COL5A2: variants seen among roughly 807,000 people sequenced by gnomAD.
COL5A2 encodes collagen alpha-2(V) chain.
Under a neutral mutation model 208.2 loss-of-function variants are expected in COL5A2, and 23 were observed. The ratio of observed to expected loss-of-function variants is 0.11; its 90% CI spans 0.08 to 0.16. The LOEUF (loss-of-function observed/expected upper bound fraction) is 0.16. Ranked by LOEUF, COL5A2 falls within the 10% of genes least tolerant of loss-of-function variation. The pLI is 1.00. For synonymous variants in COL5A2, 625 were observed against 628.5 expected, an observed-to-expected ratio of 0.99 and a Z score of 0.08; for missense variants, 1,590 against 1,956.4, an observed-to-expected ratio of 0.81 and a Z score of 3.53.
At chr2:189,371,592 C>T in the COL5A2 span, among the ~76,000 whole-genome samples, 1 of 152,138 alleles carries the variant, frequency 6.6e-6, no homozygotes, top group African/African-American at 2.4e-5. Context: ...AAGAGTTTGG[C>T]AACACTGTGT....
chr2:189,050,056 T>C (rs1268411724), intron 43 of COL5A2, among the ~76,000 whole-genome samples: 1 of 152,096 alleles, frequency 6.6e-6, no homozygotes, highest in African/African-American at 2.4e-5. Flanking sequence ...GAATCAAACT[T>C]TTATCCATAC....
the COL5A2 span, among the ~76,000 whole-genome samples, chr2:189,370,075 G>T: frequency 6.6e-6 from 1 of 152,096 alleles, no homozygotes; most frequent in Non-Finnish European, 1.5e-5. Flanking sequence ...CTGTTATGCT[G>T]CCACAATGGA....
chr2:189,366,681 G>A, the COL5A2 span, among the ~76,000 whole-genome samples: 1 of 152,314 alleles, frequency 6.6e-6, no homozygotes, highest in Middle Eastern at 3.4e-3. Context: ...AAGATGGCCT[G>A]AAAATTTCTC....
chr2:189,357,886 TG>T, the COL5A2 span, among the ~76,000 whole-genome samples: 1 of 152,174 alleles, frequency 6.6e-6, no homozygotes, highest in South Asian at 2.1e-4. Flanking sequence ...GTCTGTGGGT[TG>T]TGAAGACTGT....
chr2:189,419,903 A>G, the COL5A2 span, among the ~76,000 whole-genome samples: 155 of 145,472 alleles, frequency 1.1e-3, 1 homozygote, highest in South Asian at 0.034. Context: ...GGAGAGGAGA[A>G]GAGGAGGAGG....
intron 8 of COL5A2, 95 bp downstream of exon 8, chr2:189,088,600 T>C (rs1040476504): frequency 2.3e-6 from 2 of 883,422 alleles, no homozygotes; most frequent in South Asian, 2.7e-5. Flanking sequence ...TTTAAGAAGA[T>C]GCATGTTATT....
chr2:189,291,817 G>T, the COL5A2 span, among the ~76,000 whole-genome samples: 1 of 150,940 alleles, frequency 6.6e-6, no homozygotes, highest in African/African-American at 2.4e-5. Context: ...AAAAAAACTT[G>T]CTCTATTCTA....
rs549160135 is a variant in COL5A2 at position 189,152,318 on chromosome 2, T to C, written c.97+27190A>G. On this transcript the variant is annotated intron_variant, in intron 1 of 53. Coordinates refer to ENST00000374866, the MANE Select transcript of COL5A2 (RefSeq NM_000393.5). ...AATAATAGGTAAGGTCAGCACTCCA[T>C]GCCTTCCGGGCTACAAGTTATGATA... Among the ~76,000 whole-genome samples the C allele has an allele frequency of 1.2e-4, 18 of 152,350 alleles. No homozygotes were observed. In the South Asian group the frequency reaches 3.5e-3, roughly 30 times the overall value.
At chr2:189,086,886 T>G in intron 8 of COL5A2, 116 bp from the exon 9 acceptor site, 1 of 833,002 alleles carries the variant, frequency 1.2e-6, no homozygotes, top group Non-Finnish European at 2.0e-6. Flanking sequence ...CAAAGGGGGA[T>G]GATGACATTC....
chr2:189,124,620 TAAAGA>T, intron 1 of COL5A2, among the ~76,000 whole-genome samples: 1 of 152,248 alleles, frequency 6.6e-6, no homozygotes, highest in Non-Finnish European at 1.5e-5. Context: ...AAATGCAATT[TAAAGA>T]AAACTATCAA....
intron 1 of COL5A2, among the ~76,000 whole-genome samples, chr2:189,160,828 CTTTTTTTT>C (rs1013116673): frequency 3.0e-5 from 4 of 132,016 alleles, no homozygotes; most frequent in African/African-American, 5.7e-5. Flanking sequence ...TTTCTTTTTC[CTTTTTTTT>C]TTTTTTTTTT....
At chr2:189,306,099 CA>C in the COL5A2 span, among the ~76,000 whole-genome samples, 1 of 152,200 alleles carries the variant, frequency 6.6e-6, no homozygotes, top group Non-Finnish European at 1.5e-5. Flanking sequence ...ACATACAATA[CA>C]GACATTAAAT....
At chr2:189,346,315 G>A in the COL5A2 span, among the ~76,000 whole-genome samples, 1 of 152,136 alleles carries the variant, frequency 6.6e-6, no homozygotes, top group South Asian at 2.1e-4. Context: ...ATAGAAAATA[G>A]ACAGCAAGTC....
At chr2:189,435,041 T>A in the COL5A2 span, among the ~76,000 whole-genome samples, 1 of 152,186 alleles carries the variant, frequency 6.6e-6, no homozygotes, top group Non-Finnish European at 1.5e-5. Flanking sequence ...AACCATCTGA[T>A]CTTTGACAAA....
At position 189,072,107 on chromosome 2, in the gene COL5A2, C is replaced by T; in HGVS notation, c.1105-14G>A. 2 of 1,595,244 alleles carry T rather than the reference C, an allele frequency of 1.3e-6. No homozygotes were observed. Among genetic ancestry groups the T allele is most frequent in the Non-Finnish European group, 1.7e-6 (2 of 1,164,976 alleles). On this transcript the variant is annotated splice_polypyrimidine_tract_variant and intron_variant, in intron 17 of 53. Coordinates refer to ENST00000374866, the MANE Select transcript of COL5A2 (RefSeq NM_000393.5). The stretch of plus-strand genomic sequence containing the variant: ...CCCAAGAGGACCCTATTAAAAGAAA[C>T]CAGAAAAGTAATCAGACATGTATTC...
chr2:189,429,034 C>A, the COL5A2 span, among the ~76,000 whole-genome samples: 1 of 152,028 alleles, frequency 6.6e-6, no homozygotes, highest in African/African-American at 2.4e-5. Flanking sequence ...TTCAAGAGGG[C>A]TATTGTACAG....
chr2:189,080,062 A>G lies in COL5A2; in HGVS notation c.907-31T>C, dbSNP rs778116983. 19 of 1,587,350 alleles carry G rather than the reference A, an allele frequency of 1.2e-5. No individual in the cohort carries two copies. In the Admixed American group the frequency reaches 3.2e-4, roughly 27 times the overall value. On this transcript the variant is annotated intron_variant, in intron 13 of 53. Transcript: ENST00000374866. ...AATAAAAATGTAAATTTGTATTTGT[A>G]TCCTGTTTTTTTCAATCCTCAAAGG... is the stretch of plus-strand genomic sequence containing the variant.
intron 3 of COL5A2, 136 bp from the exon 4 acceptor site, chr2:189,100,275 A>G (rs1235933060): frequency 7.2e-6 from 5 of 694,594 alleles, no homozygotes. Context: ...TACAAAAAGA[A>G]AGTTAACAAT....
intron 25 of COL5A2, 64 bp from the exon 26 acceptor site, chr2:189,064,097 A>G (rs906502419): frequency 1.7e-5 from 22 of 1,317,770 alleles, no homozygotes; most frequent in Admixed American, 1.6e-4. Flanking sequence ...GATTCTTAAG[A>G]GTAAAAATAG....
Sources: gnomAD v4.1 joint callset for allele counts (sites outside exome capture counted in the v4.1 genomes callset) on GRCh38, gnomAD v4.1.1 for gene constraint, MANE v1.5 for transcripts, NCBI Gene and HGNC (gene_info 2026-07-23, HGNC 2026-07-21) for gene names.